ZFHX3: variants seen among roughly 807,000 people sequenced by gnomAD.
ZFHX3 encodes zinc finger homeobox 3, also known as zinc finger homeobox protein 3.
ZFHX3 carries 42 observed loss-of-function variants against 279.1 expected under a neutral mutation model. That is an observed-to-expected ratio of 0.15 (90% CI 0.12 to 0.19). The LOEUF is 0.19. Ranked by LOEUF, ZFHX3 falls within the 10% of genes least tolerant of loss-of-function variation. The pLI is 1.00. For missense variants in ZFHX3, 4,981 were observed against 4,754.0 expected, an observed-to-expected ratio of 1.05 and a Z score of -1.40; for synonymous variants, 2,293 against 1,957.8, an observed-to-expected ratio of 1.17 and a Z score of -4.52.
At chr16:73,708,049 C>T (rs147801778) in intron 1 of ZFHX3, among the ~76,000 whole-genome samples, 1,777 of 137,436 alleles carry the variant, frequency 0.013, 34 homozygotes, top group South Asian at 0.042. Flanking sequence ...TTTTGTGGTA[C>T]ATTTGAAATG....
At chr16:73,317,593 G>A (rs936984072) in intron 4 of ZFHX3, among the ~76,000 whole-genome samples, 4 of 152,154 alleles carry the variant, frequency 2.6e-5, no homozygotes, top group Admixed American at 2.0e-4. Context: ...CCGACCAGCG[G>A]TTGCTGTGAT....
At chr16:73,165,983 G>C (rs1168547241) in intron 5 of ZFHX3, among the ~76,000 whole-genome samples, 1 of 152,176 alleles carries the variant, frequency 6.6e-6, no homozygotes, top group Non-Finnish European at 1.5e-5. Context: ...GTAATTTAAT[G>C]AGCAGAAATA....
intron 1 of ZFHX3, among the ~76,000 whole-genome samples, chr16:73,780,568 A>G (rs887635971): frequency 1.3e-5 from 2 of 151,172 alleles, no homozygotes; most frequent in African/African-American, 2.4e-5. Flanking sequence ...TCTGCCTCCC[A>G]AGGAGCTGGA....
upstream of ZFHX3, chr16:73,062,324 G>A (rs1227329577): frequency 1.3e-5 from 2 of 152,180 alleles, no homozygotes; most frequent in Non-Finnish European, 2.9e-5. Flanking sequence ...GACTTCAGAT[G>A]TCTTTGCATT....
At chr16:73,646,350 T>C (rs771134274) in intron 2 of ZFHX3, among the ~76,000 whole-genome samples, 2 of 152,108 alleles carry the variant, frequency 1.3e-5, no homozygotes, top group Non-Finnish European at 2.9e-5. Context: ...ATCTAAGATA[T>C]ATGACCAAAA....
intron 4 of ZFHX3, among the ~76,000 whole-genome samples, chr16:72,834,860 T>A (rs2037147559): frequency 2.0e-5 from 3 of 152,074 alleles, no homozygotes; most frequent in East Asian, 3.9e-4. Context: ...AAGTGACGTG[T>A]CCACGGCGGG....
intron 2 of ZFHX3, among the ~76,000 whole-genome samples, chr16:73,472,834 T>A (rs1360917484): frequency 6.6e-6 from 1 of 152,106 alleles, no homozygotes; most frequent in East Asian, 1.9e-4. Context: ...CAGCTGCAGG[T>A]CTCGCCCAGC....
chr16:73,822,408 C>T (rs189174273), intron 1 of ZFHX3, among the ~76,000 whole-genome samples: 5 of 152,282 alleles, frequency 3.3e-5, no homozygotes, highest in Admixed American at 6.5e-5. Context: ...CATGGTCTGA[C>T]TTTTGTAAAG....
At chr16:72,830,868 G>A (rs974364894) in intron 4 of ZFHX3, among the ~76,000 whole-genome samples, 3 of 152,166 alleles carry the variant, frequency 2.0e-5, no homozygotes, top group Admixed American at 6.5e-5. Context: ...ATTATTAGGA[G>A]GCTGTGAAGA....
chr16:73,294,897 C>G (rs11642232), intron 4 of ZFHX3, among the ~76,000 whole-genome samples: 26,565 of 151,552 alleles, frequency 0.18, 2,658 homozygotes, highest in Middle Eastern at 0.26. Flanking sequence ...GGTTTTCTTT[C>G]ATGGACGGAT....
At chr16:73,359,649 G>A (rs2016403158) in intron 3 of ZFHX3, among the ~76,000 whole-genome samples, 1 of 152,182 alleles carries the variant, frequency 6.6e-6, no homozygotes, top group South Asian at 2.1e-4. Context: ...GGCCAGCCCT[G>A]CCGGACCAGC....
chr16:73,253,732 G>C (rs1485013713), intron 5 of ZFHX3, among the ~76,000 whole-genome samples: 1 of 152,018 alleles, frequency 6.6e-6, no homozygotes, highest in African/African-American at 2.4e-5. Flanking sequence ...TGGGATTACA[G>C]GCATGAGCCA....
At chr16:73,717,048 A>G (rs1188109666) in intron 1 of ZFHX3, among the ~76,000 whole-genome samples, 1 of 152,052 alleles carries the variant, frequency 6.6e-6, no homozygotes, top group Admixed American at 6.5e-5. Context: ...AGCAGAAAAA[A>G]TAAAAGAAGA....
chr16:73,735,364 A>G (rs1181089204), intron 1 of ZFHX3, among the ~76,000 whole-genome samples: 4 of 150,490 alleles, frequency 2.7e-5, no homozygotes, highest in African/African-American at 9.8e-5. Flanking sequence ...CCAATAAAGC[A>G]AGTTCCATGT....
At chr16:72,819,725 G>A (rs904815774) in intron 5 of ZFHX3, among the ~76,000 whole-genome samples, 7 of 152,148 alleles carry the variant, frequency 4.6e-5, no homozygotes, top group Admixed American at 4.6e-4. Flanking sequence ...TCTAAACTCA[G>A]GGATGACAGC....
At chr16:73,454,319 C>T (rs981671505) in intron 3 of ZFHX3, among the ~76,000 whole-genome samples, 3 of 152,056 alleles carry the variant, frequency 2.0e-5, no homozygotes, top group Non-Finnish European at 2.9e-5. Context: ...ATGTTCCACC[C>T]GGATCTCTTT....
chr16:73,628,162 T>A (rs927180396), intron 2 of ZFHX3, among the ~76,000 whole-genome samples: 5 of 152,192 alleles, frequency 3.3e-5, no homozygotes, highest in Non-Finnish European at 5.9e-5. Context: ...ATCACATACC[T>A]GGGGATAAGG....
intron 3 of ZFHX3, among the ~76,000 whole-genome samples, chr16:72,924,064 T>C (rs565078490): frequency 2.5e-4 from 38 of 152,346 alleles, no homozygotes; most frequent in African/African-American, 8.4e-4. Flanking sequence ...CAAAATGCTA[T>C]AAAACACACT....
At chr16:73,071,470 T>A (rs1014313118) in intron 8 of ZFHX3, among the ~76,000 whole-genome samples, 1 of 150,754 alleles carries the variant, frequency 6.6e-6, no homozygotes, top group South Asian at 2.1e-4. Flanking sequence ...CTGCTGCTGC[T>A]GCTGCTGCCG....
Sources: allele counts gnomAD v4.1 joint callset (sites outside exome capture counted in the v4.1 genomes callset), GRCh38; gene constraint gnomAD v4.1.1; transcripts MANE v1.5; gene names NCBI Gene and HGNC (gene_info 2026-07-23, HGNC 2026-07-21).